DACH2: variants seen among roughly 807,000 people sequenced by gnomAD.
DACH2 encodes the protein dachshund family transcription factor 2.
DACH2 carries 17 observed loss-of-function variants against 35.8 expected under a neutral mutation model. That is an observed-to-expected ratio of 0.48 (90% CI 0.33 to 0.71). The LOEUF is 0.71. Ranked by LOEUF, DACH2 falls within the 30% of genes least tolerant of loss-of-function variation. The probability of loss-of-function intolerance (pLI) is 0.02; values close to 1 mark genes in which losing one functional copy is unlikely to be tolerated. For missense variants in DACH2, 469 were observed against 472.7 expected (o/e 0.99, Z 0.07); for synonymous variants, 195 against 177.3 (o/e 1.10, Z -0.79).
At chrX:86,648,948 AT>A (rs1347391328) in intron 3 of DACH2, among the ~76,000 whole-genome samples, 120 of 107,445 alleles carry the variant, frequency 1.1e-3, no homozygotes, top group East Asian at 6.1e-3. Context: ...TCCTTTAGAG[AT>A]TTTTTTTTTA....
intron 2 of DACH2, among the ~76,000 whole-genome samples, chrX:86,507,611 G>A (rs1296031585): frequency 9.0e-6 from 1 of 111,461 alleles, no homozygotes; most frequent in Non-Finnish European, 1.9e-5. Flanking sequence ...CGGTTAGCAT[G>A]TAGTAAATTC....
intron 6 of DACH2, among the ~76,000 whole-genome samples, chrX:86,720,023 C>A (rs1233575897): frequency 9.6e-6 from 1 of 104,325 alleles, no homozygotes; most frequent in Non-Finnish European, 2.0e-5. Context: ...ACTGCAAGCT[C>A]CACCTCCCGG....
chrX:86,307,588 C>T (rs1229855759), intron 1 of DACH2, among the ~76,000 whole-genome samples: 1 of 111,327 alleles, frequency 9.0e-6, no homozygotes, highest in African/African-American at 3.3e-5. Context: ...AGGAGATAAA[C>T]CCTGCACTGC....
chrX:86,813,078 A>T, intron 8 of DACH2, 52 bp from the exon 9 acceptor site: 1 of 1,162,060 alleles, frequency 8.6e-7, no homozygotes, highest in Non-Finnish European at 1.1e-6. Context: ...TTTATATTTG[A>T]TAAATTAAAA....
At chrX:86,611,010 G>A (rs1003870844) in intron 3 of DACH2, among the ~76,000 whole-genome samples, 3 of 110,427 alleles carry the variant, frequency 2.7e-5, no homozygotes, top group African/African-American at 9.9e-5. Flanking sequence ...ACCACAGCTC[G>A]CAATATGTTG....
intron 3 of DACH2, among the ~76,000 whole-genome samples, chrX:86,519,491 T>A (rs1220648808): frequency 1.8e-5 from 2 of 111,477 alleles, no homozygotes; most frequent in South Asian, 3.8e-4. Flanking sequence ...TCTTTATACA[T>A]CTCGTAAAAT....
chrX:86,226,389 T>C (rs6617199), intron 1 of DACH2, among the ~76,000 whole-genome samples: 39,914 of 106,219 alleles, frequency 0.38, 6,246 homozygotes, highest in South Asian at 0.75. Flanking sequence ...TTTTACAGTG[T>C]TGTTACACAG....
intron 3 of DACH2, among the ~76,000 whole-genome samples, chrX:86,556,785 TATATATATATAG>T (rs796433955): frequency 0.041 from 1,893 of 46,450 alleles, 19 homozygotes; most frequent in Non-Finnish European, 0.053. Flanking sequence ...TATATATATA[TATATATATATAG>T]AGAGAGAGAG....
intron 1 of DACH2, among the ~76,000 whole-genome samples, chrX:86,287,127 T>C (rs1371077148): frequency 9.1e-6 from 1 of 110,349 alleles, no homozygotes; most frequent in Non-Finnish European, 1.9e-5. Flanking sequence ...TTCTCCTTCA[T>C]GTTTCAAGGA....
At chrX:86,293,194 C>G (rs1483318825) in intron 1 of DACH2, among the ~76,000 whole-genome samples, 1 of 105,894 alleles carries the variant, frequency 9.4e-6, no homozygotes, top group Non-Finnish European at 1.9e-5. Context: ...CCTTCTTTGT[C>G]TCTTTTGATC....
rs73510132 is a variant in DACH2 at position 86,750,593 on chromosome X, T to C, written c.1240+10711T>C. 2.6e-3 allele frequency among the ~76,000 whole-genome samples: 284 copies of C among 111,347 alleles called. 2 individuals carry two copies. Among genetic ancestry groups the C allele is most frequent in the African/African-American group, 9.0e-3 (276 of 30,769 alleles). Reference sequence around the variant, plus strand: ...AAACCAGTTGAACAGCAACTCTCCATGTCTCTCTCTCTACAGCTCCTGGCG... The same window carrying C: ...AAACCAGTTGAACAGCAACTCTCCACGTCTCTCTCTCTACAGCTCCTGGCG... On this transcript the variant is annotated intron_variant, in intron 7 of 11. Coordinates refer to ENST00000373125, the MANE Select transcript of DACH2 (RefSeq NM_053281.3).
At chrX:86,442,293 ATTCTTGTGTC>A (rs1329704790) in intron 2 of DACH2, among the ~76,000 whole-genome samples, 1 of 104,271 alleles carries the variant, frequency 9.6e-6, no homozygotes, top group African/African-American at 3.5e-5. Context: ...CCTGTTGGCC[ATTCTTGTGTC>A]TTCTTTTGAG....
chrX:86,555,658 G>A (rs896495630), intron 3 of DACH2, among the ~76,000 whole-genome samples: 3 of 111,694 alleles, frequency 2.7e-5, no homozygotes, highest in Non-Finnish European at 3.8e-5. Flanking sequence ...GGCACGTTAT[G>A]TCTTCAAATG....
At chrX:86,369,196 G>A (rs749739669) in intron 1 of DACH2, among the ~76,000 whole-genome samples, 2 of 110,811 alleles carry the variant, frequency 1.8e-5, no homozygotes, top group Non-Finnish European at 3.8e-5. Flanking sequence ...TGCTTTGAAA[G>A]ATAATAATTT....
chrX:86,263,855 A>G (rs2033667984), intron 1 of DACH2, among the ~76,000 whole-genome samples: 1 of 111,971 alleles, frequency 8.9e-6, no homozygotes, highest in South Asian at 3.7e-4. Context: ...CATGCAGAAA[A>G]CAATTAGGTA....
At chrX:86,490,974 G>A (rs868670309) in intron 2 of DACH2, among the ~76,000 whole-genome samples, 3 of 110,986 alleles carry the variant, frequency 2.7e-5, no homozygotes, top group Non-Finnish European at 3.8e-5. Context: ...TTGAGTGGAG[G>A]CATGAGTATG....
chrX:86,474,472 GT>G (rs1323493329), intron 2 of DACH2, among the ~76,000 whole-genome samples: 1 of 111,687 alleles, frequency 9.0e-6, no homozygotes, highest in Non-Finnish European at 1.9e-5. Context: ...ATGTTTTCTT[GT>G]AGTAGATTTA....
rs185035218 is a variant in DACH2, at chrX:86,789,709, C to T, written c.1241-23147C>T. ...ATAAGATATGGCCATGTGCATAACA[C>T]TGAAGGGAGATAAGAAGATAAAATG... is the stretch of plus-strand genomic sequence containing the variant. On this transcript the variant is annotated intron_variant, in intron 7 of 11. Transcript: ENST00000373125. 1.4e-4 allele frequency among the ~76,000 whole-genome samples: 16 copies of T among 111,705 alleles called. No individual in the cohort carries two copies. The East Asian group carries it at 3.7e-3, about 26-fold the overall frequency.
chrX:86,319,247 C>T, intron 1 of DACH2, among the ~76,000 whole-genome samples: 1 of 112,404 alleles, frequency 8.9e-6, no homozygotes, highest in Non-Finnish European at 1.9e-5. Flanking sequence ...ACAATCTTTT[C>T]ACAATTTGCT....
Sources: gnomAD v4.1 joint callset for allele counts (sites outside exome capture counted in the v4.1 genomes callset) on GRCh38, gnomAD v4.1.1 for gene constraint, MANE v1.5 for transcripts, NCBI Gene and HGNC (gene_info 2026-07-23, HGNC 2026-07-21) for gene names.